CADM2: variants seen among roughly 807,000 people sequenced by gnomAD.
CADM2 encodes the protein cell adhesion molecule 2.
CADM2 carries 12 observed loss-of-function variants against 49.8 expected under a neutral mutation model. The observed-to-expected ratio is 0.24, with a 90% CI of 0.15 to 0.39. The LOEUF (loss-of-function observed/expected upper bound fraction) is 0.39, where lower values mean the gene tolerates loss of function less well. Among genes scored for constraint, CADM2 ranks in the 10% least tolerant of loss-of-function variants. The pLI is 1.00. For synonymous variants in CADM2, 214 were observed against 175.4 expected (o/e 1.22, Z -1.74); for missense variants, 378 against 492.3 (o/e 0.77, Z 2.20).
At chr3:85,037,425 G>C (rs187386313) in intron 1 of CADM2, among the ~76,000 whole-genome samples, 17 of 152,314 alleles carry the variant, frequency 1.1e-4, no homozygotes, top group Non-Finnish European at 2.5e-4. Context: ...ACTCTTGAAC[G>C]TACAAGCTCT....
At chr3:85,314,558 G>C (rs938311364) in intron 1 of CADM2, among the ~76,000 whole-genome samples, 3 of 151,962 alleles carry the variant, frequency 2.0e-5, no homozygotes, top group African/African-American at 7.2e-5. Context: ...ATGAAACAAA[G>C]AAACATGTGT....
At chr3:86,060,214 G>A (rs1021401879) in intron 8 of CADM2, among the ~76,000 whole-genome samples, 5 of 145,502 alleles carry the variant, frequency 3.4e-5, no homozygotes, top group African/African-American at 1.3e-4. Context: ...AGATCAAATC[G>A]TTTTAATGTC....
At chr3:85,067,265 C>T (rs970648634) in intron 1 of CADM2, among the ~76,000 whole-genome samples, 1 of 150,804 alleles carries the variant, frequency 6.6e-6, no homozygotes, top group Non-Finnish European at 1.5e-5. Flanking sequence ...GGAAGTAATG[C>T]ACATCTAATT....
intron 1 of CADM2, among the ~76,000 whole-genome samples, chr3:85,345,157 A>G (rs926444774): frequency 1.3e-5 from 2 of 151,904 alleles, no homozygotes; most frequent in Non-Finnish European, 1.5e-5. Flanking sequence ...TCTACTAAAA[A>G]TACAAAAGTT....
intron 8 of CADM2, chr3:86,012,485 G>C: frequency 2.1e-6 from 2 of 960,626 alleles, no homozygotes; most frequent in South Asian, 4.2e-5. Context: ...GCTCTCCTCC[G>C]TGACCCGGAC....
At chr3:86,041,556 A>G (rs11919004) in intron 8 of CADM2, among the ~76,000 whole-genome samples, 27,284 of 152,108 alleles carry the variant, frequency 0.18, 2,491 homozygotes, top group South Asian at 0.24. Context: ...TATGCACCCA[A>G]TATAGGAGCA....
At chr3:85,124,781 C>A (rs2038972653) in intron 1 of CADM2, among the ~76,000 whole-genome samples, 2 of 152,080 alleles carry the variant, frequency 1.3e-5, no homozygotes, top group Admixed American at 6.5e-5. Context: ...CATCATCCAA[C>A]CCAAAGCTTA....
At chr3:85,751,917 G>T (rs937150771) in intron 2 of CADM2, among the ~76,000 whole-genome samples, 1 of 152,060 alleles carries the variant, frequency 6.6e-6, no homozygotes, top group Non-Finnish European at 1.5e-5. Flanking sequence ...TAGTATGAGA[G>T]CCTTCGTAAG....
intron 1 of CADM2, among the ~76,000 whole-genome samples, chr3:85,549,879 G>A (rs557161482): frequency 2.0e-5 from 3 of 150,338 alleles, no homozygotes; most frequent in South Asian, 2.1e-4. Context: ...TGATTTGCCC[G>A]CCTCGGCCTC....
intron 1 of CADM2, among the ~76,000 whole-genome samples, chr3:85,557,661 G>T (rs898195565): frequency 1.3e-5 from 2 of 151,980 alleles, no homozygotes; most frequent in East Asian, 3.9e-4. Flanking sequence ...GTTGTGATAA[G>T]TATATTAACA....
chr3:85,637,616 A>ATAAAATAAAAT lies in CADM2; in HGVS notation c.62-88906_62-88905insTAAAATAAAAT, dbSNP rs5850706. Reference sequence around the variant, plus strand: ...AGAGCGAGACTCCGTCTCAAAAAAAAAAAAAAAAATAAAATAAAATAAATA... The same window carrying ATAAAATAAAAT: ...AGAGCGAGACTCCGTCTCAAAAAAAATAAAATAAAATAAAAAAAAATAAAATAAAATAAATA... On this transcript the variant is annotated intron_variant, in intron 1 of 9. Coordinates refer to ENST00000383699, the MANE Select transcript of CADM2 (RefSeq NM_001167675.2). Among the ~76,000 whole-genome samples, 73 of 96,068 alleles carry ATAAAATAAAAT rather than the reference A, an allele frequency of 7.6e-4. 3 individuals carry two copies. The highest frequency in any genetic ancestry group is 1.2e-3 in the African/African-American group (24 of 19,938). 63.0% of individuals were successfully genotyped at this position (96,068 alleles called of 152,430 possible).
chr3:85,158,211 G>T (rs1407581185), intron 1 of CADM2, among the ~76,000 whole-genome samples: 2 of 152,286 alleles, frequency 1.3e-5, no homozygotes, highest in African/African-American at 2.4e-5. Flanking sequence ...GAGAGGATAT[G>T]GAGAAATAGG....
chr3:85,230,654 AT>A (rs1049371894), intron 1 of CADM2, among the ~76,000 whole-genome samples: 12 of 152,112 alleles, frequency 7.9e-5, no homozygotes, highest in African/African-American at 2.7e-4. Flanking sequence ...GCTGTTCTTT[AT>A]TTTTACATCT....
intron 8 of CADM2, among the ~76,000 whole-genome samples, chr3:86,054,842 G>A (rs551663676): frequency 2.4e-4 from 37 of 151,958 alleles, no homozygotes; most frequent in African/African-American, 8.7e-4. Flanking sequence ...GATTTTCACA[G>A]AATACATTGC....
At chr3:85,652,677 G>A (rs996716741) in intron 1 of CADM2, among the ~76,000 whole-genome samples, 6 of 151,270 alleles carry the variant, frequency 4.0e-5, no homozygotes, top group Non-Finnish European at 5.9e-5. Flanking sequence ...AATGGAAAAT[G>A]AAGTCAGAGT....
At chr3:84,967,730 G>A (rs11127869) in intron 1 of CADM2, among the ~76,000 whole-genome samples, 12,236 of 152,054 alleles carry the variant, frequency 0.08, 691 homozygotes, top group Admixed American at 0.19. Flanking sequence ...TAAAGGATAT[G>A]TACAGAATAT....
At chr3:85,679,478 G>A (rs2065978671) in intron 1 of CADM2, among the ~76,000 whole-genome samples, 1 of 152,114 alleles carries the variant, frequency 6.6e-6, no homozygotes, top group Non-Finnish European at 1.5e-5. Flanking sequence ...GACAAATACA[G>A]TATTTATTTT....
At chr3:85,595,481 G>A (rs1177614137) in intron 1 of CADM2, among the ~76,000 whole-genome samples, 1 of 151,906 alleles carries the variant, frequency 6.6e-6, no homozygotes, top group African/African-American at 2.4e-5. Context: ...TTTTGTACGT[G>A]GTATTTGGAC....
Position 85,000,746 on chromosome 3 carries a change from TG to T in CADM2, c.61+41079del, listed in dbSNP as rs1340182831. On this transcript the variant is annotated intron_variant, in intron 1 of 9. Coordinates refer to ENST00000383699, the MANE Select transcript of CADM2 (RefSeq NM_001167675.2). ...CTTTTTTGAAACACACATACATTTT[TG>T]TATGTATGTGTTCGTGTGCATGTGT... 2.6e-5 allele frequency among the ~76,000 whole-genome samples: 4 copies of T among 152,044 alleles called. No individual in the cohort carries two copies. The East Asian group carries it at 7.7e-4, about 29-fold the overall frequency.
Sources: gnomAD v4.1 joint callset for allele counts (sites outside exome capture counted in the v4.1 genomes callset) on GRCh38, gnomAD v4.1.1 for gene constraint, MANE v1.5 for transcripts, NCBI Gene and HGNC (gene_info 2026-07-23, HGNC 2026-07-21) for gene names.